Variants in ESRRG observed in about 807,000 individuals in gnomAD.
ESRRG encodes the protein estrogen related receptor gamma.
ESRRG carries 13 observed loss-of-function variants against 44.0 expected under a neutral mutation model. The observed-to-expected ratio is 0.30, with a 90% CI of 0.19 to 0.47. The LOEUF is 0.47. Among genes scored for constraint, ESRRG ranks in the 20% least tolerant of loss-of-function variants. The pLI is 1.00. For synonymous variants in ESRRG, 215 were observed against 214.6 expected, an observed-to-expected ratio of 1.00 and a Z score of -0.02; for missense variants, 395 against 580.6, an observed-to-expected ratio of 0.68 and a Z score of 3.29.
At chr1:217,075,194 G>C (rs1486013491) in intron 1 of ESRRG, among the ~76,000 whole-genome samples, 3 of 152,116 alleles carry the variant, frequency 2.0e-5, no homozygotes, top group African/African-American at 7.2e-5. Flanking sequence ...GTTGTTCGAG[G>C]GTCAAGATAA....
At chr1:217,087,862 A>G (rs1214765027) in intron 1 of ESRRG, among the ~76,000 whole-genome samples, 2 of 152,142 alleles carry the variant, frequency 1.3e-5, no homozygotes, top group South Asian at 2.1e-4. Flanking sequence ...TTCTTTTTCT[A>G]TTTGAAGGAG....
chr1:216,841,449 A>G (rs1015399121), intron 2 of ESRRG, among the ~76,000 whole-genome samples: 3 of 152,284 alleles, frequency 2.0e-5, no homozygotes, highest in East Asian at 3.9e-4. Flanking sequence ...CAGGAATTCA[A>G]TCAGGAAGCA....
At chr1:216,933,580 C>T (rs966352632) in intron 2 of ESRRG, among the ~76,000 whole-genome samples, 1 of 152,142 alleles carries the variant, frequency 6.6e-6, no homozygotes, top group African/African-American at 2.4e-5. Flanking sequence ...GTATTCCAGA[C>T]TTTCCGTACC....
At chr1:216,560,117 A>G (rs1558492880) in intron 5 of ESRRG, among the ~76,000 whole-genome samples, 1 of 152,204 alleles carries the variant, frequency 6.6e-6, no homozygotes, top group Non-Finnish European at 1.5e-5. Flanking sequence ...TTATGTGAAT[A>G]CATATACTTA....
chr1:217,117,137 A>G (rs2092740565), intron 1 of ESRRG, among the ~76,000 whole-genome samples: 1 of 152,220 alleles, frequency 6.6e-6, no homozygotes, highest in Non-Finnish European at 1.5e-5. Context: ...TTGGGTTCAA[A>G]TCCTGAATTG....
At chr1:216,852,980 T>G (rs990917864) in intron 2 of ESRRG, among the ~76,000 whole-genome samples, 1 of 152,150 alleles carries the variant, frequency 6.6e-6, no homozygotes, top group African/African-American at 2.4e-5. Flanking sequence ...ATATTTTCTG[T>G]GAGATTTTAT....
intron 1 of ESRRG, among the ~76,000 whole-genome samples, chr1:216,954,906 T>C (rs2067664152): frequency 6.6e-6 from 1 of 152,136 alleles, no homozygotes; most frequent in African/African-American, 2.4e-5. Context: ...TCTGTTCCCT[T>C]TACTTTTAGT....
At chr1:216,616,076 T>C (rs570830228) in intron 3 of ESRRG, among the ~76,000 whole-genome samples, 2 of 152,284 alleles carry the variant, frequency 1.3e-5, no homozygotes, top group African/African-American at 2.4e-5. Context: ...ATAAAGCATC[T>C]CACCCCATAT....
chr1:216,640,381 C>A (rs1184486013), intron 3 of ESRRG, among the ~76,000 whole-genome samples: 2 of 151,974 alleles, frequency 1.3e-5, no homozygotes, highest in Non-Finnish European at 2.9e-5. Context: ...TGGAACCTAG[C>A]CTGCTTCTCA....
At chr1:216,820,985 A>C (rs553307568) in intron 2 of ESRRG, among the ~76,000 whole-genome samples, 5 of 152,252 alleles carry the variant, frequency 3.3e-5, no homozygotes, top group Non-Finnish European at 5.9e-5. Context: ...CTTTTTGAAA[A>C]TATTTCTAGA....
intron 2 of ESRRG, among the ~76,000 whole-genome samples, chr1:216,774,845 G>A (rs1443506701): frequency 1.6e-5 from 2 of 126,574 alleles, no homozygotes; most frequent in African/African-American, 6.2e-5. Context: ...CCAGGCTGGA[G>A]TGCTGGAGTG....
chr1:216,864,929 T>C (rs1363205497), intron 2 of ESRRG: 2 of 151,920 alleles, frequency 1.3e-5, no homozygotes, highest in African/African-American at 4.8e-5. Context: ...TCACAGAGGC[T>C]CAAAGCTGGG....
intron 1 of ESRRG, among the ~76,000 whole-genome samples, chr1:216,986,381 A>G (rs1036765830): frequency 1.3e-5 from 2 of 152,098 alleles, no homozygotes. Flanking sequence ...ATAGAGACGT[A>G]AACATGTGGC....
chr1:217,057,629 CAG>C (rs1412929499), intron 1 of ESRRG, among the ~76,000 whole-genome samples: 2 of 151,658 alleles, frequency 1.3e-5, no homozygotes, highest in East Asian at 3.9e-4. Flanking sequence ...AAAAAATAAA[CAG>C]AACAGATAAT....
At chr1:216,704,685 A>G (rs1259511271) in intron 1 of ESRRG, among the ~76,000 whole-genome samples, 1 of 152,224 alleles carries the variant, frequency 6.6e-6, no homozygotes, top group African/African-American at 2.4e-5. Context: ...ATATAATAAG[A>G]TATAATCACT....
At chr1:216,871,373 A>T (rs1017370604) in intron 2 of ESRRG, among the ~76,000 whole-genome samples, 2 of 151,980 alleles carry the variant, frequency 1.3e-5, no homozygotes, top group Non-Finnish European at 2.9e-5. Context: ...CATTTTAAAC[A>T]TTGGTTTTAT....
At chr1:216,693,967 C>T (rs796815044) in intron 1 of ESRRG, among the ~76,000 whole-genome samples, 4 of 152,218 alleles carry the variant, frequency 2.6e-5, no homozygotes, top group African/African-American at 7.2e-5. Flanking sequence ...CATACAATCT[C>T]AAGAATCTGT....
At chr1:216,931,541 T>A (rs762230423) in intron 2 of ESRRG, among the ~76,000 whole-genome samples, 3 of 151,978 alleles carry the variant, frequency 2.0e-5, no homozygotes, top group Non-Finnish European at 2.9e-5. Context: ...GCCTTAGAGG[T>A]TCAGCTGGGA....
intron 1 of ESRRG, among the ~76,000 whole-genome samples, chr1:216,710,271 C>T (rs2083328298): frequency 1.3e-5 from 2 of 152,124 alleles, no homozygotes; most frequent in African/African-American, 2.4e-5. Context: ...CTGGGGCTCA[C>T]GCTGCTCAGA....
Sources: gnomAD v4.1 joint callset for allele counts (sites outside exome capture counted in the v4.1 genomes callset) on GRCh38, gnomAD v4.1.1 for gene constraint, MANE v1.5 for transcripts, NCBI Gene and HGNC (gene_info 2026-07-23, HGNC 2026-07-21) for gene names.